The following CUX2 variants were observed in gnomAD, a reference collection of about 807,000 sequenced individuals.
The protein encoded by CUX2 is homeobox protein cut-like 2.
CUX2 carries 40 observed loss-of-function variants against 144.8 expected under a neutral mutation model. The ratio of observed to expected loss-of-function variants is 0.28; its 90% CI spans 0.21 to 0.36. The LOEUF (loss-of-function observed/expected upper bound fraction) is 0.36. CUX2 is among the 10% of genes least tolerant of loss of function. CUX2 has a pLI of 1.00. For missense variants in CUX2, 1,615 were observed against 1,994.0 expected (o/e 0.81, Z 3.62); for synonymous variants, 827 against 875.6 (o/e 0.94, Z 0.98).
rs779451367 is a variant in CUX2, at chr12:111,334,687, A to G, written c.3173A>G (p.Glu1058Gly). 1.2e-6 allele frequency: 2 copies of G among 1,610,976 alleles called. No individual in the cohort carries two copies. Among genetic ancestry groups the G allele is most frequent in the Admixed American group, 3.3e-5 (2 of 59,704 alleles). The part of the protein sequence containing the change: ...DTYSITKRVK[E>G]VLTDNNLGQR... Reference sequence around the variant, plus strand: ...TACTCCATCACCAAGAGGGTGAAGGAGGTCCTCACAGACAACAATCTAGGT... The same window carrying G: ...TACTCCATCACCAAGAGGGTGAAGGGGGTCCTCACAGACAACAATCTAGGT... Residue 1058 changes from glutamate (E) to glycine (G), a missense_variant, in exon 19 of 22, where the codon GAG becomes GGG. This residue lies in a region of CUX2 where 128 missense variants were observed against 124.4 expected (regional missense o/e 1.03). Transcript: ENST00000261726.
rs1477042863 is a variant in CUX2 at position 111,153,797 on chromosome 12, C to A, written c.64-60403C>A. Among the ~76,000 whole-genome samples, 5 of 152,178 alleles carry A rather than the reference C, an allele frequency of 3.3e-5. No individual in the cohort carries two copies. The South Asian group carries it at 8.3e-4, about 25-fold the overall frequency. ...ATCTCAGTATATTCGTTTGCTAGGT[C>A]TGCCATGACCAAGTGCCACACCTGG... On this transcript the variant is annotated intron_variant, in intron 1 of 21. Transcript: ENST00000261726.
chr12:111,123,692 C>T (rs1333417848), intron 1 of CUX2, among the ~76,000 whole-genome samples: 5 of 151,994 alleles, frequency 3.3e-5, no homozygotes, highest in Non-Finnish European at 7.4e-5. Context: ...CATACCCCCA[C>T]ACCTAGCTAA....
chr12:111,204,897 G>C (rs1880822744), intron 1 of CUX2, among the ~76,000 whole-genome samples: 1 of 152,166 alleles, frequency 6.6e-6, no homozygotes. Context: ...CTGAGGCTTG[G>C]CTCTTTGATC....
rs79038962 is a variant in CUX2 at position 111,042,555 on chromosome 12, T to C, written c.63+8315T>C. On this transcript the variant is annotated intron_variant, in intron 1 of 21. Coordinates refer to ENST00000261726, the MANE Select transcript of CUX2 (RefSeq NM_015267.4). ...GTGACCTTGGATGAGTCAATTAACC[T>C]TTCTGAGCCTCACTTTTCTCATATA... is the stretch of plus-strand genomic sequence containing the variant. Among the ~76,000 whole-genome samples the C allele has an allele frequency of 1.7e-3, 254 of 152,326 alleles. 1 individual carries two copies. The highest frequency in any genetic ancestry group is 5.7e-3 in the African/African-American group (239 of 41,568).
At chr12:111,201,044 G>T (rs1198927664) in intron 1 of CUX2, among the ~76,000 whole-genome samples, 1 of 152,174 alleles carries the variant, frequency 6.6e-6, no homozygotes, top group Non-Finnish European at 1.5e-5. Flanking sequence ...ACAAGCCTGT[G>T]TAGCCCCTGG....
At chr12:111,226,566 A>T (rs1565860300) in intron 3 of CUX2, among the ~76,000 whole-genome samples, 1 of 152,150 alleles carries the variant, frequency 6.6e-6, no homozygotes, top group East Asian at 1.9e-4. Flanking sequence ...GGTATTTCTC[A>T]TTAGAAATAA....
At chr12:111,119,338 C>T (rs566336865) in intron 1 of CUX2, among the ~76,000 whole-genome samples, 16 of 152,214 alleles carry the variant, frequency 1.1e-4, no homozygotes, top group African/African-American at 3.4e-4. Flanking sequence ...CATGGTGGCT[C>T]ATTACCTGTA....
chr12:111,043,762 G>A (rs1869861394), intron 1 of CUX2, among the ~76,000 whole-genome samples: 1 of 152,174 alleles, frequency 6.6e-6, no homozygotes, highest in Non-Finnish European at 1.5e-5. Flanking sequence ...CTCTGAAAGG[G>A]GAAATAAGTT....
In CUX2 at chr12:111,322,152, T is replaced by A. The variant is rs1459812264; in HGVS notation, c.2767-269T>A. Among the ~76,000 whole-genome samples the A allele has an allele frequency of 6.6e-6, 1 of 151,852 alleles. No homozygotes were observed. Among genetic ancestry groups the A allele is most frequent in the Non-Finnish European group, 1.5e-5 (1 of 67,938 alleles). ...GGCCAATGTGGCAAAACCCCATCTC[T>A]ACTAAAAATACAAAAATTAGCCAGA... On this transcript the variant is annotated intron_variant, in intron 17 of 21. Coordinates refer to ENST00000261726, the MANE Select transcript of CUX2 (RefSeq NM_015267.4). The surrounding 1 kb of genome is among the most constrained non-coding windows in gnomAD (Gnocchi z 4.2).
intron 1 of CUX2, among the ~76,000 whole-genome samples, chr12:111,184,781 C>T (rs996131952): frequency 1.0e-4 from 15 of 150,718 alleles, no homozygotes; most frequent in Admixed American, 4.0e-4. Flanking sequence ...TGACACATTG[C>T]GGCTGGGTGC....
At chr12:111,112,094 A>T (rs569966775) in intron 1 of CUX2, among the ~76,000 whole-genome samples, 1 of 152,254 alleles carries the variant, frequency 6.6e-6, no homozygotes, top group South Asian at 2.1e-4. Flanking sequence ...GTTGCTCAGG[A>T]CTTGGGTGAG....
At chr12:111,288,722 G>A (rs1008188839) in intron 4 of CUX2, among the ~76,000 whole-genome samples, 6 of 152,022 alleles carry the variant, frequency 3.9e-5, no homozygotes, top group Admixed American at 6.6e-5. Flanking sequence ...CAGCACTTTC[G>A]GAGGCCAAGG....
At chr12:111,070,092 C>T (rs139881940) in intron 1 of CUX2, among the ~76,000 whole-genome samples, 3 of 152,324 alleles carry the variant, frequency 2.0e-5, no homozygotes, top group East Asian at 3.9e-4. Context: ...AGGCACACAC[C>T]TCCATGCTCT....
chr12:111,214,527 G>A (rs952025243), intron 2 of CUX2, among the ~76,000 whole-genome samples: 12 of 152,142 alleles, frequency 7.9e-5, no homozygotes, highest in Admixed American at 7.9e-4. Context: ...CTCCATCAAC[G>A]TCATTGTTTT....
At chr12:111,176,562 C>T (rs1250561455) in intron 1 of CUX2, among the ~76,000 whole-genome samples, 3 of 152,150 alleles carry the variant, frequency 2.0e-5, no homozygotes, top group Non-Finnish European at 4.4e-5. Flanking sequence ...TGGAAGGAAC[C>T]CCAAACATCA....
At position 111,241,156 on chromosome 12, in the gene CUX2, A is replaced by G. The variant is rs1002901018; in HGVS notation, c.223-22605A>G. On this transcript the variant is annotated intron_variant, in intron 3 of 21. Coordinates refer to ENST00000261726, the MANE Select transcript of CUX2 (RefSeq NM_015267.4). ...TGGTAGGTGGAAGGGGAGAGGGCGT[A>G]TGCAGAGATCACATGGTGAGAGAGG... 4.1e-4 allele frequency among the ~76,000 whole-genome samples: 63 copies of G among 152,182 alleles called. 2 individuals carry two copies. The highest frequency in any genetic ancestry group is 3.7e-3 in the Admixed American group (57 of 15,272).
chr12:111,107,034 G>A (rs561848035), intron 1 of CUX2, among the ~76,000 whole-genome samples: 5 of 152,322 alleles, frequency 3.3e-5, no homozygotes, highest in Admixed American at 2.6e-4. Flanking sequence ...ATGATAACAC[G>A]CAATGCCACC....
At chr12:111,267,195 C>CAAAAAAA (rs11290695) in intron 4 of CUX2, among the ~76,000 whole-genome samples, 8 of 66,362 alleles carry the variant, frequency 1.2e-4, no homozygotes, top group East Asian at 3.7e-4. Context: ...AAGACCCTGT[C>CAAAAAAA]AAAAAAAAAA....
At chr12:111,309,437 G>A (rs1405058326) in intron 14 of CUX2, among the ~76,000 whole-genome samples, 1 of 152,186 alleles carries the variant, frequency 6.6e-6, no homozygotes, top group African/African-American at 2.4e-5. Flanking sequence ...TGATGCTCTT[G>A]GTGATGGGGG....
Sources: gnomAD v4.1 joint callset for allele counts (sites outside exome capture counted in the v4.1 genomes callset) on GRCh38, gnomAD v4.1.1 for gene constraint, gnomAD v4.1.1 regional missense constraint, Gnocchi (gnomAD v3.1) non-coding constraint, MANE v1.5 for transcripts, NCBI Gene and HGNC (gene_info 2026-07-23, HGNC 2026-07-21) for gene names.